Variants in SGCZ observed in about 807,000 individuals in gnomAD.
SGCZ encodes the protein zeta-sarcoglycan.
A neutral mutation model predicts 41.3 loss-of-function variants in SGCZ; 40 were observed. That is an observed-to-expected ratio of 0.97 (90% CI 0.75 to 1.26). The LOEUF is 1.26. Ranked by LOEUF, SGCZ falls within the 50% of genes most tolerant of loss-of-function variation. SGCZ has a pLI of 0.00. For synonymous variants in SGCZ, 206 were observed against 137.5 expected (o/e 1.50, Z -3.49); for missense variants, 552 against 369.8 (o/e 1.49, Z -4.04).
At chr8:14,892,589 T>C (rs1805055026) in intron 1 of SGCZ, among the ~76,000 whole-genome samples, 1 of 152,182 alleles carries the variant, frequency 6.6e-6, no homozygotes, top group African/African-American at 2.4e-5. Context: ...TTATTTGATA[T>C]ATTAATACAT....
chr8:14,851,732 G>C (rs1327884969), intron 1 of SGCZ, among the ~76,000 whole-genome samples: 1 of 151,932 alleles, frequency 6.6e-6, no homozygotes, highest in Non-Finnish European at 1.5e-5. Context: ...TCTATCCTTT[G>C]TGTCATTATT....
intron 3 of SGCZ, among the ~76,000 whole-genome samples, chr8:14,259,945 A>G (rs1799597745): frequency 6.6e-6 from 1 of 152,204 alleles, no homozygotes; most frequent in South Asian, 2.1e-4. Flanking sequence ...ACCCATGAGC[A>G]TGGAATGTTA....
intron 1 of SGCZ, among the ~76,000 whole-genome samples, chr8:14,640,662 G>C (rs1258958698): frequency 6.6e-6 from 1 of 151,466 alleles, no homozygotes; most frequent in East Asian, 1.9e-4. Flanking sequence ...GTGTGTGTGT[G>C]TGTGTGTGTG....
At chr8:14,693,384 T>C (rs1449687965) in intron 1 of SGCZ, among the ~76,000 whole-genome samples, 1 of 150,906 alleles carries the variant, frequency 6.6e-6, no homozygotes, top group African/African-American at 2.4e-5. Flanking sequence ...CTCTGTCTCC[T>C]AGGTTCAAGC....
chr8:14,765,631 G>T (rs1184602041), intron 1 of SGCZ, among the ~76,000 whole-genome samples: 1 of 152,102 alleles, frequency 6.6e-6, no homozygotes, highest in Non-Finnish European at 1.5e-5. Context: ...CAACAATAAA[G>T]ATACACATAA....
chr8:14,190,360 T>C (rs1805057978), intron 4 of SGCZ, among the ~76,000 whole-genome samples: 1 of 151,846 alleles, frequency 6.6e-6, no homozygotes, highest in South Asian at 2.1e-4. Flanking sequence ...TATGTATGTA[T>C]GTATGTATGT....
chr8:14,947,508 G>C (rs1333490732), intron 1 of SGCZ, among the ~76,000 whole-genome samples: 1 of 152,146 alleles, frequency 6.6e-6, no homozygotes, highest in Non-Finnish European at 1.5e-5. Context: ...CTGGAAAAGT[G>C]GTGTGGTGCT....
At chr8:14,696,319 T>A (rs1169481433) in intron 1 of SGCZ, among the ~76,000 whole-genome samples, 22 of 152,084 alleles carry the variant, frequency 1.4e-4, no homozygotes, top group Admixed American at 1.4e-3. Flanking sequence ...GGATAAAAGA[T>A]GTTTACACTG....
In SGCZ at chr8:14,855,076, CG is replaced by C. The variant is rs778568667; in HGVS notation, c.40-300151del. Among the ~76,000 whole-genome samples the C allele has an allele frequency of 1.8e-4, 27 of 151,720 alleles. 1 individual carries two copies. In the East Asian group the frequency reaches 3.1e-3, roughly 17 times the overall value. Reference sequence around the variant, plus strand: ...ATTTATTTATTTATTTATTTAGAGACGGAGTCTTGCTCTGTCACCCAACTGG... The same window carrying C: ...ATTTATTTATTTATTTATTTAGAGACGAGTCTTGCTCTGTCACCCAACTGG... On this transcript the variant is annotated intron_variant, in intron 1 of 7. Transcript: ENST00000382080.
At chr8:15,012,013 T>C (rs1016276986) in intron 1 of SGCZ, among the ~76,000 whole-genome samples, 3 of 152,166 alleles carry the variant, frequency 2.0e-5, no homozygotes, top group Non-Finnish European at 4.4e-5. Context: ...TGCATCTATT[T>C]TTGAACTTGC....
intron 1 of SGCZ, among the ~76,000 whole-genome samples, chr8:14,678,653 C>T (rs965088481): frequency 7.2e-5 from 11 of 152,178 alleles, no homozygotes; most frequent in African/African-American, 2.4e-4. Flanking sequence ...TATATAAATG[C>T]TTATCCTATG....
intron 2 of SGCZ, among the ~76,000 whole-genome samples, chr8:14,416,536 G>A (rs1213686405): frequency 2.6e-5 from 4 of 151,840 alleles, no homozygotes; most frequent in Admixed American, 2.0e-4. Flanking sequence ...GCCTCCGACA[G>A]AGAAATACTG....
At chr8:14,927,411 G>A (rs1799791821) in intron 1 of SGCZ, among the ~76,000 whole-genome samples, 1 of 152,010 alleles carries the variant, frequency 6.6e-6, no homozygotes. Flanking sequence ...GCCCGGCCAA[G>A]TTCCTGATTC....
chr8:14,998,758 A>T (rs1227033062), intron 1 of SGCZ, among the ~76,000 whole-genome samples: 1 of 152,220 alleles, frequency 6.6e-6, no homozygotes, highest in African/African-American at 2.4e-5. Context: ...AGATGTAGCA[A>T]TGTGTTGAGT....
rs1554526190 is a variant in SGCZ, at chr8:14,946,054, A to ATATATG, written c.39+291530_39+291531insCATATA. Among the ~76,000 whole-genome samples the ATATATG allele has an allele frequency of 4.0e-4, 36 of 90,982 alleles. 1 individual carries two copies. The highest frequency in any genetic ancestry group is 1.5e-3 in the African/African-American group (36 of 23,378). 59.7% of individuals were successfully genotyped at this position (90,982 alleles called of 152,430 possible). On this transcript the variant is annotated intron_variant, in intron 1 of 7. Transcript: ENST00000382080. ...TATATATATATATATATATATATATATGAATCATTCTGTATACTATTGGTT... is the reference window on the plus strand; with the variant it reads ...TATATATATATATATATATATATATATATATGTGAATCATTCTGTATACTATTGGTT...
intron 1 of SGCZ, among the ~76,000 whole-genome samples, chr8:14,884,977 C>T (rs895053778): frequency 1.3e-5 from 2 of 151,996 alleles, no homozygotes; most frequent in Non-Finnish European, 2.9e-5. Context: ...CAGAAAAAAT[C>T]GACAGCATTC....
intron 3 of SGCZ, among the ~76,000 whole-genome samples, chr8:14,273,568 A>G (rs1449444435): frequency 1.3e-5 from 2 of 152,180 alleles, no homozygotes; most frequent in East Asian, 1.9e-4. Flanking sequence ...ATTAAGCAAA[A>G]TGTTTAACTA....
At chr8:15,157,310 A>C (rs1799361117) in intron 1 of SGCZ, among the ~76,000 whole-genome samples, 2 of 152,026 alleles carry the variant, frequency 1.3e-5, no homozygotes, top group East Asian at 3.9e-4. Flanking sequence ...AGGCAGGAGG[A>C]ACACTTGACC....
At chr8:14,213,265 G>C (rs62492321) in intron 4 of SGCZ, among the ~76,000 whole-genome samples, 36,050 of 151,856 alleles carry the variant, frequency 0.24, 5,469 homozygotes, top group Non-Finnish European at 0.34. Context: ...TTTCTGAAAA[G>C]TAAAGACACG....
Sources: gnomAD v4.1 joint callset for allele counts (sites outside exome capture counted in the v4.1 genomes callset) on GRCh38, gnomAD v4.1.1 for gene constraint, MANE v1.5 for transcripts, NCBI Gene and HGNC (gene_info 2026-07-23, HGNC 2026-07-21) for gene names.